ARHGAP25: variants seen among roughly 807,000 people sequenced by gnomAD.
ARHGAP25 encodes rho GTPase-activating protein 25.
ARHGAP25 carries 34 observed loss-of-function variants against 71.0 expected under a neutral mutation model. The observed-to-expected ratio is 0.48, with a 90% CI of 0.36 to 0.64. The LOEUF (loss-of-function observed/expected upper bound fraction) is 0.64, where lower values mean the gene tolerates loss of function less well. Among genes scored for constraint, ARHGAP25 ranks in the 30% least tolerant of loss-of-function variants. The pLI, the probability that ARHGAP25 is intolerant of heterozygous loss-of-function variation, is 0.00. For missense variants in ARHGAP25, 706 were observed against 805.1 expected (o/e 0.88, Z 1.49); for synonymous variants, 282 against 296.5 (o/e 0.95, Z 0.50).
At chr2:68,719,027 G>C (rs1437594121) in intron 2 of ARHGAP25, among the ~76,000 whole-genome samples, 1 of 152,084 alleles carries the variant, frequency 6.6e-6, no homozygotes, top group Non-Finnish European at 1.5e-5. Flanking sequence ...GAGCTCTGGG[G>C]TTGGTAAACA....
intron 4 of ARHGAP25, among the ~76,000 whole-genome samples, chr2:68,795,196 G>A (rs1216960132): frequency 2.0e-5 from 3 of 151,682 alleles, no homozygotes; most frequent in Non-Finnish European, 4.4e-5. Flanking sequence ...TAACAATTTT[G>A]TTTATCTTTT....
intron 5 of ARHGAP25, among the ~76,000 whole-genome samples, chr2:68,813,026 T>C (rs1680943531): frequency 6.6e-6 from 1 of 152,062 alleles, no homozygotes; most frequent in Admixed American, 6.5e-5. Flanking sequence ...TAAGGAACGT[T>C]TAGTAAAAAT....
At chr2:68,819,005 C>T in intron 8 of ARHGAP25, 118 bp from the exon 9 acceptor site, 1 of 828,088 alleles carries the variant, frequency 1.2e-6, no homozygotes, top group Non-Finnish European at 1.8e-6. Context: ...CAAAATGAGG[C>T]CCTTCTGGGC....
chr2:68,819,792 C>T (rs896654978), intron 9 of ARHGAP25: 2 of 316,944 alleles, frequency 6.3e-6, no homozygotes, highest in Admixed American at 9.2e-5. Flanking sequence ...CCGTCTCAGC[C>T]ATGTCAGCCC....
At chr2:68,729,910 A>G (rs1674975357), upstream of ARHGAP25, among the ~76,000 whole-genome samples, 1 of 152,252 alleles carries the variant, frequency 6.6e-6, no homozygotes, top group African/African-American at 2.4e-5. Context: ...GAGGGGGGAA[A>G]AGGACTAGAT....
At chr2:68,731,932 G>A (rs563242860), upstream of ARHGAP25, among the ~76,000 whole-genome samples, 163 of 152,316 alleles carry the variant, frequency 1.1e-3, no homozygotes, top group African/African-American at 3.9e-3. Context: ...TGTCAGGGCG[G>A]TGAGGTGGGG....
At chr2:68,712,216 G>A (rs1172726107) in intron 2 of ARHGAP25, among the ~76,000 whole-genome samples, 3 of 152,140 alleles carry the variant, frequency 2.0e-5, no homozygotes, top group East Asian at 1.9e-4. Flanking sequence ...TCTAACTGGC[G>A]TGAGATGGTA....
intron 4 of ARHGAP25, among the ~76,000 whole-genome samples, chr2:68,791,168 GCTTTGCTCCTT>G (rs749971072): frequency 8.5e-5 from 13 of 152,078 alleles, no homozygotes; most frequent in Non-Finnish European, 1.8e-4. Flanking sequence ...GTTCTGCCTC[GCTTTGCTCCTT>G]GGCACATAAC....
chr2:68,733,310 G>A (rs1325566571), upstream of ARHGAP25, among the ~76,000 whole-genome samples: 2 of 152,170 alleles, frequency 1.3e-5, no homozygotes, highest in Non-Finnish European at 2.9e-5. Flanking sequence ...CAGGGAAGTC[G>A]TAGGTATCCT....
chr2:68,730,407 G>A (rs1271225459), upstream of ARHGAP25, among the ~76,000 whole-genome samples: 1 of 152,164 alleles, frequency 6.6e-6, no homozygotes, highest in Non-Finnish European at 1.5e-5. Flanking sequence ...CACTTTGGAG[G>A]CCAAGGCAGA....
chr2:68,780,815 A>T (rs1025352534), intron 2 of ARHGAP25, among the ~76,000 whole-genome samples: 4 of 152,092 alleles, frequency 2.6e-5, no homozygotes, highest in Admixed American at 6.6e-5. Context: ...AGATTTCCTT[A>T]AGACTCTTTT....
rs1682114189 is a variant in ARHGAP25, at chr2:68,826,127, A to G, written c.1874A>G (p.Asn625Ser). 2 of 1,613,272 alleles carry G rather than the reference A, an allele frequency of 1.2e-6. No individual in the cohort carries two copies. Among genetic ancestry groups the G allele is most frequent in the Non-Finnish European group, 1.7e-6 (2 of 1,179,566 alleles). ...TCCCGGGAGGATGTTGAGAAGAGGAACAAGGCCTTGGAAGAAGAAGTCAAG... is the reference window on the plus strand; with the variant it reads ...TCCCGGGAGGATGTTGAGAAGAGGAGCAAGGCCTTGGAAGAAGAAGTCAAG... Reference protein sequence around the residue: ...ERSREDVEKRNKALEEEVKEF... With the variant: ...ERSREDVEKRSKALEEEVKEF... Residue 625 changes from asparagine (N) to serine (S), a missense_variant, in exon 11 of 11, where the codon AAC becomes AGC. Physicochemically the swap from Asn to Ser is conservative, Grantham distance 46 (BLOSUM62 1). Transcript: ENST00000409202.
intron 9 of ARHGAP25, among the ~76,000 whole-genome samples, chr2:68,820,459 A>G (rs1681564556): frequency 6.6e-6 from 1 of 152,174 alleles, no homozygotes; most frequent in African/African-American, 2.4e-5. Flanking sequence ...TTCAGAACCC[A>G]GGTACCTCTA....
At chr2:68,762,204 A>C (rs1676866796) in intron 1 of ARHGAP25, among the ~76,000 whole-genome samples, 2 of 152,246 alleles carry the variant, frequency 1.3e-5, no homozygotes, top group Admixed American at 1.3e-4. Flanking sequence ...GACAGAAAGT[A>C]GAATGGTGGT....
intron 3 of ARHGAP25, among the ~76,000 whole-genome samples, chr2:68,784,052 A>C (rs1001405550): frequency 1.3e-5 from 2 of 152,148 alleles, no homozygotes; most frequent in Non-Finnish European, 2.9e-5. Context: ...CAACATTGCT[A>C]TACCAGTGCA....
chr2:68,752,437 A>G (rs2280242), intron 1 of ARHGAP25, among the ~76,000 whole-genome samples: 127,710 of 152,216 alleles, frequency 0.84, 53,756 homozygotes, highest in African/African-American at 0.87. Flanking sequence ...CCAGAAGAGC[A>G]GTGGCATTAT....
At chr2:68,737,091 C>T (rs13398622) in intron 1 of ARHGAP25, among the ~76,000 whole-genome samples, 4,953 of 152,046 alleles carry the variant, frequency 0.033, 285 homozygotes, top group African/African-American at 0.11. Flanking sequence ...TACAGAGGAG[C>T]CCTTGTCATT....
In ARHGAP25 at chr2:68,822,451, C is replaced by T. The variant is rs767100810; in HGVS notation, c.1312C>T (p.Arg438Cys). The T allele has an allele frequency of 3.1e-6, 5 of 1,614,210 alleles. No homozygotes were observed. The highest frequency in any genetic ancestry group is 2.2e-5 in the South Asian group (2 of 91,078). Residue 438 changes from arginine to cysteine, a missense_variant, in exon 10 of 11, where the codon CGT becomes TGT. By Grantham distance (180) the Arg-to-Cys change is radical (BLOSUM62 -3). Coordinates refer to ENST00000409202, the MANE Select transcript of ARHGAP25 (RefSeq NM_001007231.3). ...EKPGDWKMQS[R>C]KRTQTLPNRK... is the part of the protein sequence containing the mutation. ...GCCAGGAGACTGGAAAATGCAATCT[C>T]GTAAAAGGACTCAAACACTCCCTAA...
At chr2:68,818,740 G>A (rs1681416303) in intron 8 of ARHGAP25, among the ~76,000 whole-genome samples, 1 of 152,254 alleles carries the variant, frequency 6.6e-6, no homozygotes, top group African/African-American at 2.4e-5. Flanking sequence ...GGGCATGGGG[G>A]CAGAAAGCCT....
Sources: allele counts gnomAD v4.1 joint callset (sites outside exome capture counted in the v4.1 genomes callset), GRCh38; gene constraint gnomAD v4.1.1; transcripts MANE v1.5; gene names NCBI Gene and HGNC (gene_info 2026-07-23, HGNC 2026-07-21).